DIS3L2: variants seen among roughly 807,000 people sequenced by gnomAD.
DIS3L2 encodes the protein DIS3-like exonuclease 2.
DIS3L2 carries 34 observed loss-of-function variants against 97.5 expected under a neutral mutation model. The ratio of observed to expected loss-of-function variants is 0.35; its 90% confidence interval spans 0.27 to 0.46. The LOEUF (loss-of-function observed/expected upper bound fraction) is 0.46. DIS3L2 is among the 20% of genes least tolerant of loss of function. The probability of loss-of-function intolerance (pLI) is 1.00; values close to 1 mark genes in which losing one functional copy is unlikely to be tolerated. For synonymous variants in DIS3L2, 435 were observed against 445.2 expected, an observed-to-expected ratio of 0.98 and a Z score of 0.29; for missense variants, 1,038 against 1,146.0, an observed-to-expected ratio of 0.91 and a Z score of 1.36.
At chr2:232,289,826 G>A (rs1476903219) in intron 13 of DIS3L2, among the ~76,000 whole-genome samples, 1 of 152,234 alleles carries the variant, frequency 6.6e-6, no homozygotes, top group East Asian at 1.9e-4. Flanking sequence ...TGTAGCTGTG[G>A]GAGGCTTCCA....
At chr2:232,070,294 C>A (rs1278579301) in intron 5 of DIS3L2, among the ~76,000 whole-genome samples, 1 of 152,126 alleles carries the variant, frequency 6.6e-6, no homozygotes. Flanking sequence ...AAGAAAAATT[C>A]TTTCCTAGGG....
chr2:232,071,377 C>T (rs1304100192), intron 5 of DIS3L2, among the ~76,000 whole-genome samples: 6 of 151,942 alleles, frequency 3.9e-5, no homozygotes, highest in Non-Finnish European at 8.8e-5. Flanking sequence ...GAAAAGGTAG[C>T]CAGGCATGTT....
intron 9 of DIS3L2, among the ~76,000 whole-genome samples, chr2:232,200,842 G>A (rs998359819): frequency 1.4e-5 from 2 of 145,314 alleles, no homozygotes; most frequent in Non-Finnish European, 3.0e-5. Context: ...GGAGTGCAGT[G>A]GCACGATCTC....
At position 232,258,598 on chromosome 2, in the gene DIS3L2, C is replaced by CAA. The variant is rs35525137; in HGVS notation, c.1426-4588_1426-4587dup. ...AGAGTGACAGAGCGAGACTCTGTCT[C>CAA]AAAAAAAAAAAAAAAAAAAAAAGGA... On this transcript the variant is annotated intron_variant, in intron 12 of 20. Transcript: ENST00000325385. Among the ~76,000 whole-genome samples the CAA allele has an allele frequency of 4.3e-3, 315 of 73,974 alleles. 3 individuals carry two copies. Among genetic ancestry groups the CAA allele is most frequent in the East Asian group, 8.2e-3 (18 of 2,198 alleles). 48.5% of individuals were successfully genotyped at this position (73,974 alleles called of 152,430 possible). A position where few individuals can be genotyped will look rare whatever the true frequency, so the allele number is the denominator to read the frequency against.
intron 13 of DIS3L2, among the ~76,000 whole-genome samples, chr2:232,273,980 A>T (rs1460152130): frequency 2.6e-5 from 4 of 152,180 alleles, no homozygotes; most frequent in Non-Finnish European, 5.9e-5. Flanking sequence ...TTTAATGGAG[A>T]TAATTCCCAT....
At chr2:232,064,006 T>C (rs894221447) in intron 5 of DIS3L2, among the ~76,000 whole-genome samples, 1 of 152,176 alleles carries the variant, frequency 6.6e-6, no homozygotes, top group African/African-American at 2.4e-5. Flanking sequence ...TTTTCCTGTG[T>C]ATAGATGCTG....
intron 8 of DIS3L2, among the ~76,000 whole-genome samples, chr2:232,137,950 C>T (rs1350490985): frequency 6.6e-6 from 1 of 152,188 alleles, no homozygotes; most frequent in Non-Finnish European, 1.5e-5. Flanking sequence ...GGCCCAGTAA[C>T]GGTTGTGCCA....
chr2:232,078,019 T>TTC lies in DIS3L2; in HGVS notation c.367-9467_367-9466insCT, dbSNP rs1297392014. Among the ~76,000 whole-genome samples, 350 of 94,676 alleles carry TTC rather than the reference T, an allele frequency of 3.7e-3. 3 individuals are homozygous for TTC. The highest frequency in any genetic ancestry group is 0.024 in the East Asian group (48 of 1,972). The allele number at this position is 94,676 out of a possible 152,430, so 62.1% of individuals were successfully genotyped here. On this transcript the variant is annotated intron_variant, in intron 5 of 20. Coordinates refer to ENST00000325385, the MANE Select transcript of DIS3L2 (RefSeq NM_152383.5). ...TTTCTTTCTTTCTTTCTTTCTTTCT[T>TTC]TTTCTCTTTCTCTTTCTCTTTCTTT... is the stretch of plus-strand genomic sequence containing the variant.
intron 9 of DIS3L2, among the ~76,000 whole-genome samples, chr2:232,186,823 G>T (rs1691450245): frequency 6.6e-6 from 1 of 152,154 alleles, no homozygotes; most frequent in Admixed American, 6.5e-5. Flanking sequence ...ATTTAAAGTG[G>T]ATCGTAGACC....
intron 12 of DIS3L2, among the ~76,000 whole-genome samples, chr2:232,259,688 G>A (rs995621124): frequency 6.6e-6 from 1 of 152,034 alleles, no homozygotes; most frequent in African/African-American, 2.4e-5. Context: ...GCGCAACTTC[G>A]GCTCGCTGCA....
intron 6 of DIS3L2, among the ~76,000 whole-genome samples, chr2:232,117,788 A>G (rs949583237): frequency 5.9e-5 from 9 of 152,230 alleles, no homozygotes; most frequent in African/African-American, 1.7e-4. Context: ...CTAGTTCGCC[A>G]TCTCCTGTGA....
chr2:232,081,882 G>A (rs1696412386), intron 5 of DIS3L2, among the ~76,000 whole-genome samples: 4 of 152,148 alleles, frequency 2.6e-5, no homozygotes, highest in East Asian at 1.9e-4. Context: ...TTTTGCCTCC[G>A]GGTTCAAGTT....
At chr2:232,299,727 G>A (rs576992855) in intron 13 of DIS3L2, among the ~76,000 whole-genome samples, 76 of 152,218 alleles carry the variant, frequency 5.0e-4, no homozygotes, top group Non-Finnish European at 9.8e-4. Context: ...CTGCTAGACG[G>A]TAAGACCCAT....
intron 6 of DIS3L2, among the ~76,000 whole-genome samples, chr2:232,109,794 A>G (rs1217948908): frequency 6.6e-6 from 1 of 152,226 alleles, no homozygotes; most frequent in Non-Finnish European, 1.5e-5. Flanking sequence ...ACCATTCAGG[A>G]TATAGGTACC....
chr2:232,285,475 G>C (rs1694401773), intron 13 of DIS3L2, among the ~76,000 whole-genome samples: 2 of 152,324 alleles, frequency 1.3e-5, no homozygotes, highest in South Asian at 4.1e-4. Flanking sequence ...AGTGAGCCTT[G>C]AGGAGGCTGA....
chr2:232,005,170 A>ATTTTTTTTTTTTT (rs55757645), intron 1 of DIS3L2, among the ~76,000 whole-genome samples: 5 of 126,562 alleles, frequency 4.0e-5, no homozygotes, highest in African/African-American at 5.9e-5. Context: ...AAGAATCTTG[A>ATTTTTTTTTTTTT]TTTTTTTTTT....
At chr2:232,125,083 G>A (rs1869457) in intron 6 of DIS3L2, among the ~76,000 whole-genome samples, 140,900 of 152,268 alleles carry the variant, frequency 0.93, 65,264 homozygotes, top group East Asian at 1. Context: ...GCCTTTGCAC[G>A]CTCTCTTCTC....
intron 14 of DIS3L2, among the ~76,000 whole-genome samples, chr2:232,303,267 C>T (rs1694908168): frequency 6.6e-6 from 1 of 152,212 alleles, no homozygotes; most frequent in African/African-American, 2.4e-5. Context: ...TTGTCTCCCC[C>T]AGACCCTTCC....
chr2:231,992,500 C>T (rs974830708), intron 1 of DIS3L2, among the ~76,000 whole-genome samples: 4 of 152,172 alleles, frequency 2.6e-5, no homozygotes, highest in African/African-American at 9.7e-5. Context: ...AAAAGGCAAA[C>T]TGTCTTTTGC....
Sources: gnomAD v4.1 joint callset for allele counts (sites outside exome capture counted in the v4.1 genomes callset) on GRCh38, gnomAD v4.1.1 for gene constraint, MANE v1.5 for transcripts, NCBI Gene and HGNC (gene_info 2026-07-23, HGNC 2026-07-21) for gene names.